Variants in EPHA6 observed in about 807,000 individuals in gnomAD.
EPHA6 encodes the protein EPH receptor A6.
A neutral mutation model predicts 112.0 loss-of-function variants in EPHA6; 50 were observed. The ratio of observed to expected loss-of-function variants is 0.45; its 90% CI spans 0.36 to 0.56. EPHA6 has a LOEUF of 0.56. Ranked by LOEUF, EPHA6 falls within the 20% of genes least tolerant of loss-of-function variation. The pLI is 0.00. For missense variants in EPHA6, 1,280 were observed against 1,417.4 expected (o/e 0.90, Z 1.56); for synonymous variants, 529 against 490.7 (o/e 1.08, Z -1.03).
At chr3:97,268,415 C>A (rs1180150432) in intron 5 of EPHA6, among the ~76,000 whole-genome samples, 1 of 152,056 alleles carries the variant, frequency 6.6e-6, no homozygotes, top group Non-Finnish European at 1.5e-5. Context: ...TAATCTTTAG[C>A]AAGTTTGTTA....
intron 5 of EPHA6, among the ~76,000 whole-genome samples, chr3:97,331,261 A>G (rs2108822238): frequency 6.6e-6 from 1 of 152,272 alleles, no homozygotes; most frequent in Non-Finnish European, 1.5e-5. Context: ...GTGTAGAGGG[A>G]AATTTATAGC....
At chr3:97,631,745 C>G (rs2093904560) in intron 13 of EPHA6, among the ~76,000 whole-genome samples, 1 of 151,928 alleles carries the variant, frequency 6.6e-6, no homozygotes, top group African/African-American at 2.4e-5. Flanking sequence ...TTTGTTAATT[C>G]TCCTCAAGAA....
chr3:97,705,852 A>G (rs2033650427), intron 14 of EPHA6, among the ~76,000 whole-genome samples: 3 of 152,214 alleles, frequency 2.0e-5, no homozygotes, highest in Admixed American at 2.0e-4. Context: ...AAGATGATAT[A>G]AATTATTTGT....
intron 3 of EPHA6, among the ~76,000 whole-genome samples, chr3:97,059,986 T>A (rs2045967967): frequency 6.6e-6 from 1 of 151,882 alleles, no homozygotes; most frequent in South Asian, 2.1e-4. Context: ...CCAGGTGTGG[T>A]GGCATGTGCC....
rs1434635976 is a variant in EPHA6, at chr3:97,085,951, A to ATATATATATATG, written c.1114+97958_1114+97959insTATATATATATG. Among the ~76,000 whole-genome samples, 54 of 145,934 alleles carry ATATATATATATG rather than the reference A, an allele frequency of 3.7e-4. 1 individual carries two copies. The highest frequency in any genetic ancestry group is 1.1e-3 in the African/African-American group (41 of 36,822). On this transcript the variant is annotated intron_variant, in intron 3 of 17. Coordinates refer to ENST00000389672, the MANE Select transcript of EPHA6 (RefSeq NM_001080448.3). ...GTCATATATATATATATATATATAC[A>ATATATATATATG]CACTGAGATGGAGTCTCTTGTCACT...
chr3:96,965,633 T>C (rs1377386177), intron 2 of EPHA6, among the ~76,000 whole-genome samples: 2 of 152,166 alleles, frequency 1.3e-5, no homozygotes, highest in African/African-American at 4.8e-5. Flanking sequence ...TTATGTATGA[T>C]GTTGAGTAGA....
chr3:97,505,563 C>A (rs1206976163), intron 10 of EPHA6, among the ~76,000 whole-genome samples: 2 of 152,078 alleles, frequency 1.3e-5, no homozygotes, highest in African/African-American at 4.8e-5. Context: ...GTATATGTGC[C>A]ATGTTTTCTT....
intron 2 of EPHA6, among the ~76,000 whole-genome samples, chr3:96,912,916 A>G (rs1037177196): frequency 2.0e-5 from 3 of 152,016 alleles, no homozygotes; most frequent in Non-Finnish European, 4.4e-5. Context: ...TCTCAAGTCC[A>G]TAAGCAAGAG....
At chr3:97,391,463 T>C (rs1283960126) in intron 5 of EPHA6, among the ~76,000 whole-genome samples, 6 of 151,954 alleles carry the variant, frequency 3.9e-5, no homozygotes, top group African/African-American at 1.4e-4. Flanking sequence ...TAACTTTGGG[T>C]AAGTCTTTTC....
chr3:97,325,786 A>G (rs2082391543), intron 5 of EPHA6, among the ~76,000 whole-genome samples: 1 of 152,140 alleles, frequency 6.6e-6, no homozygotes, highest in African/African-American at 2.4e-5. Context: ...ATGGGCAGCT[A>G]TCCTATGCCT....
In EPHA6 at chr3:97,219,423, G is replaced by A. The variant is rs1033231173; in HGVS notation, c.1115-6841G>A. ...TTTCCATACATCCTCTGAAATCTAC[G>A]TAGAAGCTCCCAAGCCTCAGTTCTT... On this transcript the variant is annotated intron_variant, in intron 3 of 17. Coordinates refer to ENST00000389672, the MANE Select transcript of EPHA6 (RefSeq NM_001080448.3). Among the ~76,000 whole-genome samples, 22 of 152,062 alleles carry A rather than the reference G, an allele frequency of 1.4e-4. 1 individual carries two copies. Among genetic ancestry groups the A allele is most frequent in the African/African-American group, 2.9e-4 (12 of 41,366 alleles).
chr3:97,445,625 T>C (rs1333403903), intron 6 of EPHA6, among the ~76,000 whole-genome samples: 1 of 151,842 alleles, frequency 6.6e-6, no homozygotes, highest in African/African-American at 2.4e-5. Context: ...CATAAGAAGT[T>C]AGAAGACAAC....
At position 97,759,570 on chromosome 3, in the gene EPHA6, C is replaced by A. The variant is rs888568154; in HGVS notation, c.*10869C>A. On this transcript the variant is annotated 3_prime_UTR_variant, in exon 18 of 18. Transcript: ENST00000389672. ...AAGGCCTTGAGAGATAGAGGGGTTG[C>A]GATTTAAAGCATAAGTAGGGAGGTT... is the stretch of plus-strand genomic sequence containing the variant. 1 of 230,202 alleles carries A rather than the reference C, an allele frequency of 4.3e-6. No homozygotes were observed. The highest frequency in any genetic ancestry group is 2.2e-5 in the African/African-American group (1 of 45,116). The allele number at this position is 230,202 out of a possible 1,614,324, so 14.3% of individuals were successfully genotyped here.
chr3:96,982,300 A>G (rs571799351), intron 2 of EPHA6, among the ~76,000 whole-genome samples: 16 of 152,158 alleles, frequency 1.1e-4, no homozygotes, highest in African/African-American at 3.9e-4. Flanking sequence ...TTCTGCCTTC[A>G]TTTTGTTATG....
At chr3:97,504,781 C>T (rs989637139) in intron 10 of EPHA6, among the ~76,000 whole-genome samples, 5 of 152,078 alleles carry the variant, frequency 3.3e-5, no homozygotes, top group Non-Finnish European at 5.9e-5. Flanking sequence ...TTTTTATTTT[C>T]ATAAAGTTGA....
rs115951820 is a variant in EPHA6, at chr3:97,521,649, G to C, written c.2201-10709G>C. Among the ~76,000 whole-genome samples, 802 of 152,204 alleles carry C rather than the reference G, an allele frequency of 5.3e-3. 8 individuals carry two copies. Among genetic ancestry groups the C allele is most frequent in the African/African-American group, 0.018 (732 of 41,522 alleles). On this transcript the variant is annotated intron_variant, in intron 10 of 17. Transcript: ENST00000389672. Reference sequence around the variant, plus strand: ...CACTGGGTCCCTCCCATGACACATGGGGATTATGGGAACTACAATTCAAGA... The same window carrying C: ...CACTGGGTCCCTCCCATGACACATGCGGATTATGGGAACTACAATTCAAGA...
intron 3 of EPHA6, among the ~76,000 whole-genome samples, chr3:97,184,746 C>A (rs890393873): frequency 1.3e-5 from 2 of 152,054 alleles, no homozygotes; most frequent in African/African-American, 2.4e-5. Context: ...AAAAAGAGTC[C>A]ACATTGCCAA....
rs928738379 is a variant in EPHA6, at chr3:97,758,670, T to G, written c.*9969T>G. 1.1e-4 allele frequency among the ~76,000 whole-genome samples: 16 copies of G among 151,982 alleles called. No individual in the cohort carries two copies. The highest frequency in any genetic ancestry group is 3.9e-4 in the African/African-American group (16 of 41,412). ...TTAAAAATGTTACATAGCATGACTGTGGCTCCTTTAAGCGGTAGAGGAAAT... is the reference window on the plus strand; with the variant it reads ...TTAAAAATGTTACATAGCATGACTGGGGCTCCTTTAAGCGGTAGAGGAAAT... On this transcript the variant is annotated 3_prime_UTR_variant, in exon 18 of 18. Coordinates refer to ENST00000389672, the MANE Select transcript of EPHA6 (RefSeq NM_001080448.3).
intron 2 of EPHA6, among the ~76,000 whole-genome samples, chr3:96,904,767 C>T (rs1463632775): frequency 3.9e-5 from 6 of 151,996 alleles, no homozygotes; most frequent in African/African-American, 7.2e-5. Flanking sequence ...TATAGATATT[C>T]GTCACAATTT....
Sources: gnomAD v4.1 joint callset for allele counts (sites outside exome capture counted in the v4.1 genomes callset) on GRCh38, gnomAD v4.1.1 for gene constraint, MANE v1.5 for transcripts, NCBI Gene and HGNC (gene_info 2026-07-23, HGNC 2026-07-21) for gene names.